Variants in BTBD9 observed in about 807,000 individuals in gnomAD.
BTBD9 encodes the protein BTB domain containing 9.
BTBD9 carries 49 observed loss-of-function variants against 64.3 expected under a neutral mutation model. The ratio of observed to expected loss-of-function variants is 0.76; its 90% CI spans 0.61 to 0.97. The LOEUF (loss-of-function observed/expected upper bound fraction) is 0.97, where lower values mean the gene tolerates loss of function less well. Among genes scored for constraint, BTBD9 ranks in the 50% least tolerant of loss-of-function variants. The pLI is 0.00. For synonymous variants in BTBD9, 260 were observed against 274.7 expected (o/e 0.95, Z 0.53); for missense variants, 598 against 762.1 (o/e 0.78, Z 2.53).
chr6:38,331,102 GTAAC>G (rs1280007997), intron 7 of BTBD9, among the ~76,000 whole-genome samples: 2 of 152,146 alleles, frequency 1.3e-5, no homozygotes, highest in Non-Finnish European at 2.9e-5. Flanking sequence ...AAGTTAAAAG[GTAAC>G]TAACAGGGTG....
chr6:38,231,469 T>A, intron 9 of BTBD9, among the ~76,000 whole-genome samples: 1 of 152,212 alleles, frequency 6.6e-6, no homozygotes, highest in Admixed American at 6.5e-5. Context: ...TTCATGGCAA[T>A]GTCTCTAACT....
chr6:38,435,928 C>T (rs1768716196), intron 6 of BTBD9, among the ~76,000 whole-genome samples: 1 of 151,574 alleles, frequency 6.6e-6, no homozygotes, highest in Non-Finnish European at 1.5e-5. Context: ...CTTGGCCTCC[C>T]AAAGTGCTGG....
At chr6:38,388,219 CAAAAAA>C (rs35755281) in intron 6 of BTBD9, among the ~76,000 whole-genome samples, 1 of 102,552 alleles carries the variant, frequency 9.8e-6, no homozygotes, top group Admixed American at 1.0e-4. Flanking sequence ...CTGCCCCTGA[CAAAAAA>C]AAAAAAAAAA....
At chr6:38,346,010 C>A (rs1764263478) in intron 6 of BTBD9, among the ~76,000 whole-genome samples, 1 of 152,138 alleles carries the variant, frequency 6.6e-6, no homozygotes, top group Non-Finnish European at 1.5e-5. Context: ...AAGTAAGAAC[C>A]AGGAAAAATA....
At chr6:38,557,015 CAAAAAAAAAAAAAAAAAAAAAAAAAAAAA>C (rs397888418) in intron 6 of BTBD9, among the ~76,000 whole-genome samples, 5 of 15,408 alleles carry the variant, frequency 3.2e-4, no homozygotes, top group Non-Finnish European at 5.8e-4. Context: ...TCCATCTCAC[CAAAAAAAAAAAAAAAAAAAAAAAAAAAAA>C]AAAAAAAAAA....
chr6:38,353,893 T>C (rs963432901), intron 6 of BTBD9, among the ~76,000 whole-genome samples: 1 of 152,212 alleles, frequency 6.6e-6, no homozygotes, highest in Non-Finnish European at 1.5e-5. Flanking sequence ...TGCTACTTAG[T>C]GTCAGGGCAA....
intron 9 of BTBD9, among the ~76,000 whole-genome samples, chr6:38,254,760 T>C (rs972033175): frequency 2.6e-5 from 4 of 152,204 alleles, no homozygotes; most frequent in African/African-American, 7.2e-5. Context: ...AGATGGGCAA[T>C]AGCAAGTGCT....
chr6:38,246,689 G>T (rs1764217909), intron 9 of BTBD9, among the ~76,000 whole-genome samples: 2 of 150,962 alleles, frequency 1.3e-5, no homozygotes, highest in South Asian at 4.2e-4. Context: ...TATGAAAAAA[G>T]AAAAATAAAA....
At chr6:38,190,595 A>G (rs1762031215) in intron 10 of BTBD9, among the ~76,000 whole-genome samples, 1 of 152,148 alleles carries the variant, frequency 6.6e-6, no homozygotes, top group Middle Eastern at 3.4e-3. Flanking sequence ...AATGGGATGG[A>G]TCACAAGTTA....
chr6:38,385,933 T>C (rs1388222877), intron 6 of BTBD9, among the ~76,000 whole-genome samples: 1 of 151,840 alleles, frequency 6.6e-6, no homozygotes, highest in Admixed American at 6.6e-5. Flanking sequence ...TAGCTGGGAC[T>C]ACAGGTGCAT....
intron 6 of BTBD9, among the ~76,000 whole-genome samples, chr6:38,544,653 T>C (rs1582608515): frequency 6.6e-6 from 1 of 152,030 alleles, no homozygotes; most frequent in East Asian, 1.9e-4. Flanking sequence ...TGGGCCAGGC[T>C]CGGTGGCTTA....
At chr6:38,282,819 C>T (rs933491446) in intron 8 of BTBD9, among the ~76,000 whole-genome samples, 1 of 152,286 alleles carries the variant, frequency 6.6e-6, no homozygotes, top group Admixed American at 6.5e-5. Flanking sequence ...TTCCTGACCA[C>T]CCAATCTAAA....
chr6:38,585,818 T>C lies in BTBD9; in HGVS notation c.815-5381A>G, dbSNP rs141019462. ...AGGCAAAACAACATAATTACATTGT[T>C]CAAAAAGCTCAACCTAGTATAAGAA... On this transcript the variant is annotated intron_variant, in intron 4 of 10. Coordinates refer to ENST00000481247, the MANE Select transcript of BTBD9 (RefSeq NM_001099272.2). 2.5e-3 allele frequency among the ~76,000 whole-genome samples: 375 copies of C among 152,132 alleles called. 2 individuals are homozygous for C. Among genetic ancestry groups the C allele is most frequent in the African/African-American group, 8.8e-3 (364 of 41,496 alleles).
chr6:38,199,745 G>T (rs570959045), intron 9 of BTBD9, among the ~76,000 whole-genome samples: 1 of 152,356 alleles, frequency 6.6e-6, no homozygotes, highest in South Asian at 2.1e-4. Flanking sequence ...GCACTAGTGT[G>T]CTGGGCAGGG....
At chr6:38,204,769 C>A (rs1457197020) in intron 9 of BTBD9, among the ~76,000 whole-genome samples, 1 of 151,586 alleles carries the variant, frequency 6.6e-6, no homozygotes, top group Non-Finnish European at 1.5e-5. Flanking sequence ...AGATGACCAA[C>A]AGCAAATAGA....
chr6:38,620,232 T>C (rs1336985176), intron 1 of BTBD9, among the ~76,000 whole-genome samples: 1 of 152,210 alleles, frequency 6.6e-6, no homozygotes, highest in Non-Finnish European at 1.5e-5. Flanking sequence ...CTTAGATTCA[T>C]CAATGAGGCA....
chr6:38,443,587 C>G (rs1194015404), intron 6 of BTBD9, among the ~76,000 whole-genome samples: 1 of 152,320 alleles, frequency 6.6e-6, no homozygotes, highest in Non-Finnish European at 1.5e-5. Context: ...AAGCAGGCAG[C>G]TGCTCAAGCC....
At chr6:38,175,932 T>A (rs1380587828) in intron 10 of BTBD9, among the ~76,000 whole-genome samples, 1 of 152,264 alleles carries the variant, frequency 6.6e-6, no homozygotes. Context: ...GCCAGCCACC[T>A]GGCCGACAGT....
chr6:38,518,208 T>C lies in BTBD9; in HGVS notation c.1154+59392A>G, dbSNP rs1582563496. ...AACTTCAGAGGACAAGATCAGGCAT[T>C]TTCATTAAGGAATAATGCTGTGTAA... On this transcript the variant is annotated intron_variant, in intron 6 of 10. Transcript: ENST00000481247. Among the ~76,000 whole-genome samples the C allele has an allele frequency of 2.0e-5, 3 of 152,192 alleles. No individual in the cohort carries two copies. The South Asian group carries it at 6.2e-4, about 32-fold the overall frequency.
Sources: gnomAD v4.1 joint callset for allele counts (sites outside exome capture counted in the v4.1 genomes callset) on GRCh38, gnomAD v4.1.1 for gene constraint, MANE v1.5 for transcripts, NCBI Gene and HGNC (gene_info 2026-07-23, HGNC 2026-07-21) for gene names.